RGS7: variants seen among roughly 807,000 people sequenced by gnomAD.
RGS7 encodes the protein regulator of G-protein signaling 7.
Under a neutral mutation model 81.1 loss-of-function variants are expected in RGS7, and 27 were observed. The ratio of observed to expected loss-of-function variants is 0.33; its 90% confidence interval spans 0.25 to 0.46. RGS7 has a LOEUF of 0.46. RGS7 is among the 20% of genes least tolerant of loss of function. The pLI is 1.00. For missense variants in RGS7, 396 were observed against 607.4 expected, an observed-to-expected ratio of 0.65 and a Z score of 3.66; for synonymous variants, 208 against 207.7, an observed-to-expected ratio of 1.00 and a Z score of -0.01.
chr1:241,020,924 G>A (rs74856513), intron 3 of RGS7, among the ~76,000 whole-genome samples: 12,984 of 152,144 alleles, frequency 0.085, 610 homozygotes, highest in Middle Eastern at 0.16. Flanking sequence ...TCATTCCTTT[G>A]AATAGAGAGG....
intron 6 of RGS7, among the ~76,000 whole-genome samples, chr1:240,884,758 A>G (rs143260635): frequency 6.6e-6 from 1 of 152,350 alleles, no homozygotes; most frequent in East Asian, 1.9e-4. Context: ...ATTCAACTTA[A>G]GATGGATTAA....
At chr1:241,301,204 T>C (rs1250662747) in intron 2 of RGS7, among the ~76,000 whole-genome samples, 2 of 152,248 alleles carry the variant, frequency 1.3e-5, no homozygotes, top group African/African-American at 4.8e-5. Flanking sequence ...CTACTATTCC[T>C]GGGTCACTGA....
chr1:240,789,957 C>T (rs12026244), intron 18 of RGS7, among the ~76,000 whole-genome samples: 77,964 of 152,000 alleles, frequency 0.51, 23,029 homozygotes, highest in Non-Finnish European at 0.66. Flanking sequence ...CGGAACCTGC[C>T]GACATGTGAT....
chr1:240,879,581 G>A, intron 6 of RGS7, among the ~76,000 whole-genome samples: 1 of 152,236 alleles, frequency 6.6e-6, no homozygotes, highest in East Asian at 1.9e-4. Flanking sequence ...TTTGTTAGAT[G>A]GAGTGAGTTT....
chr1:240,846,724 A>G (rs925617579), intron 9 of RGS7, among the ~76,000 whole-genome samples: 10 of 152,188 alleles, frequency 6.6e-5, no homozygotes, highest in African/African-American at 1.7e-4. Flanking sequence ...CTATGACAGA[A>G]GAGATGACAT....
At chr1:240,801,624 A>T in intron 16 of RGS7, 116 bp from the exon 17 acceptor site, 1 of 773,254 alleles carries the variant, frequency 1.3e-6, no homozygotes, top group Non-Finnish European at 2.2e-6. Context: ...GCAACACCAA[A>T]TCCATGTTCT....
intron 2 of RGS7, among the ~76,000 whole-genome samples, chr1:241,246,090 C>A (rs1021914467): frequency 6.6e-6 from 1 of 151,976 alleles, no homozygotes; most frequent in South Asian, 2.1e-4. Context: ...GGGGACAGAG[C>A]GAGACTCTGT....
intron 2 of RGS7, among the ~76,000 whole-genome samples, chr1:241,199,746 T>G (rs1274792849): frequency 6.6e-6 from 1 of 152,034 alleles, no homozygotes; most frequent in Non-Finnish European, 1.5e-5. Flanking sequence ...TCTACTATGT[T>G]TCTCTAGATG....
At chr1:240,788,119 A>G (rs1255885079) in intron 18 of RGS7, among the ~76,000 whole-genome samples, 2 of 152,240 alleles carry the variant, frequency 1.3e-5, no homozygotes, top group African/African-American at 4.8e-5. Context: ...AGTGTCACTC[A>G]GATTTAATTT....
In RGS7 at chr1:240,947,183, T is replaced by C. The variant is rs556955451; in HGVS notation, c.227-10477A>G. On this transcript the variant is annotated intron_variant, in intron 4 of 18. Transcript: ENST00000440928. ...TATGAGGCTGGCCTTTGAGCCAGAC[T>C]GCCCTGGCCCCGTTGCATCTTAGCA... is the stretch of plus-strand genomic sequence containing the variant. 2.2e-4 allele frequency among the ~76,000 whole-genome samples: 34 copies of C among 152,340 alleles called. 2 individuals are homozygous for C. In the South Asian group the frequency reaches 7.0e-3, roughly 32 times the overall value.
chr1:241,049,811 G>T (rs112924075), intron 3 of RGS7, among the ~76,000 whole-genome samples: 1,754 of 152,224 alleles, frequency 0.012, 31 homozygotes, highest in African/African-American at 0.04. Flanking sequence ...TAATGTATCT[G>T]GTTTGTCTCC....
chr1:241,044,270 G>A (rs1444272362), intron 3 of RGS7, among the ~76,000 whole-genome samples: 1 of 151,692 alleles, frequency 6.6e-6, no homozygotes, highest in Non-Finnish European at 1.5e-5. Flanking sequence ...ACACAACCAC[G>A]CCCGCCTAAT....
chr1:240,945,292 ACTCAATC>A (rs1052999631), intron 4 of RGS7, among the ~76,000 whole-genome samples: 9 of 152,218 alleles, frequency 5.9e-5, no homozygotes, highest in African/African-American at 2.2e-4. Context: ...GTTGCTTATA[ACTCAATC>A]CTGATGATTC....
intron 2 of RGS7, among the ~76,000 whole-genome samples, chr1:241,210,851 G>C (rs2074203346): frequency 6.6e-6 from 1 of 152,196 alleles, no homozygotes; most frequent in Non-Finnish European, 1.5e-5. Context: ...TACTCTGTGA[G>C]TCTATAAAGA....
At chr1:240,953,454 A>G (rs1482415901) in intron 4 of RGS7, among the ~76,000 whole-genome samples, 2 of 151,962 alleles carry the variant, frequency 1.3e-5, no homozygotes, top group African/African-American at 4.8e-5. Context: ...AAAGTCTCCA[A>G]CTATTTGGAA....
chr1:241,265,754 C>G (rs2077552960), intron 2 of RGS7, among the ~76,000 whole-genome samples: 1 of 150,602 alleles, frequency 6.6e-6, no homozygotes. Flanking sequence ...GCCAAGTCAC[C>G]CTGATCTCAA....
intron 3 of RGS7, among the ~76,000 whole-genome samples, chr1:240,991,682 T>A (rs983811004): frequency 2.0e-5 from 3 of 152,248 alleles, no homozygotes; most frequent in Middle Eastern, 3.2e-3. Context: ...ATGTTTTAGT[T>A]CTATGGTTCT....
intron 2 of RGS7, among the ~76,000 whole-genome samples, chr1:241,177,710 G>A (rs1390308664): frequency 2.0e-5 from 3 of 152,140 alleles, no homozygotes; most frequent in African/African-American, 7.2e-5. Flanking sequence ...AGAGGAATGA[G>A]CAGATTCAAG....
intron 10 of RGS7, chr1:240,823,342 G>T (rs1692150485): frequency 3.8e-6 from 2 of 527,008 alleles, no homozygotes; most frequent in Admixed American, 5.1e-5. Context: ...TACTTGTTCT[G>T]GAAAATTAGC....
Sources: gnomAD v4.1 joint callset for allele counts (sites outside exome capture counted in the v4.1 genomes callset) on GRCh38, gnomAD v4.1.1 for gene constraint, MANE v1.5 for transcripts, NCBI Gene and HGNC (gene_info 2026-07-23, HGNC 2026-07-21) for gene names.